CNTN6: variants seen among roughly 807,000 people sequenced by gnomAD.
CNTN6 encodes the protein contactin-6.
Under a neutral mutation model 122.8 loss-of-function variants are expected in CNTN6, and 137 were observed. The observed-to-expected ratio is 1.12, with a 90% confidence interval of 0.97 to 1.29. The LOEUF is 1.29. Among genes scored for constraint, CNTN6 ranks in the 50% most tolerant of loss-of-function variants. The pLI is 0.00. For missense variants in CNTN6, 1,634 were observed against 1,223.4 expected (o/e 1.34, Z -5.01); for synonymous variants, 570 against 426.0 (o/e 1.34, Z -4.16).
chr3:1,182,494 G>A (rs763943555), intron 2 of CNTN6, among the ~76,000 whole-genome samples: 2 of 152,112 alleles, frequency 1.3e-5, no homozygotes, highest in Non-Finnish European at 2.9e-5. Context: ...AGGAAAGGAT[G>A]ACAAACATGT....
intron 1 of CNTN6, among the ~76,000 whole-genome samples, chr3:1,125,583 C>T (rs908415322): frequency 1.3e-5 from 2 of 151,696 alleles, no homozygotes; most frequent in Non-Finnish European, 2.9e-5. Context: ...ACCAGCCATT[C>T]AGCTTGTAAA....
At chr3:1,308,703 A>G (rs1698754730) in intron 7 of CNTN6, among the ~76,000 whole-genome samples, 1 of 151,460 alleles carries the variant, frequency 6.6e-6, no homozygotes, top group East Asian at 1.9e-4. Flanking sequence ...GTACCTTTCC[A>G]CTCCACACAG....
chr3:1,160,404 T>A (rs2093104307), intron 2 of CNTN6, among the ~76,000 whole-genome samples: 1 of 146,994 alleles, frequency 6.8e-6, no homozygotes, highest in Non-Finnish European at 1.5e-5. Flanking sequence ...GTGTATTCTT[T>A]CATTTCTGGC....
At chr3:1,144,873 C>A (rs1468578672) in intron 1 of CNTN6, among the ~76,000 whole-genome samples, 2 of 152,106 alleles carry the variant, frequency 1.3e-5, no homozygotes, top group Non-Finnish European at 2.9e-5. Context: ...AGGAACAGAA[C>A]TACAGCAAGC....
At chr3:1,379,335 C>G (rs1464404805) in intron 17 of CNTN6, among the ~76,000 whole-genome samples, 2 of 152,262 alleles carry the variant, frequency 1.3e-5, no homozygotes, top group Admixed American at 6.5e-5. Flanking sequence ...TTGATGCTTT[C>G]TTGCTGTTGC....
intron 17 of CNTN6, 85 bp downstream of exon 17, chr3:1,377,160 A>T: frequency 1.1e-6 from 1 of 936,382 alleles, no homozygotes; most frequent in Non-Finnish European, 1.7e-6. Context: ...GATTTATTTG[A>T]TCACTATTGA....
At chr3:1,273,990 A>G (rs1691850637) in intron 4 of CNTN6, among the ~76,000 whole-genome samples, 1 of 152,214 alleles carries the variant, frequency 6.6e-6, no homozygotes, top group South Asian at 2.1e-4. Context: ...TGTTAATTTC[A>G]TAGAATCATT....
chr3:1,258,200 T>C (rs1337711834), intron 4 of CNTN6, among the ~76,000 whole-genome samples: 1 of 152,152 alleles, frequency 6.6e-6, no homozygotes, highest in African/African-American at 2.4e-5. Context: ...AAAAAAAACC[T>C]ATTATTCCAG....
At chr3:1,358,578 A>C (rs1356755931) in intron 12 of CNTN6, among the ~76,000 whole-genome samples, 2 of 151,922 alleles carry the variant, frequency 1.3e-5, no homozygotes, top group African/African-American at 4.8e-5. Context: ...AAATGCTTTC[A>C]AGTCCAAAAG....
intron 10 of CNTN6, among the ~76,000 whole-genome samples, chr3:1,328,923 G>GA (rs1424083302): frequency 4.6e-5 from 7 of 151,346 alleles, no homozygotes; most frequent in Non-Finnish European, 1.0e-4. Context: ...ATTTAGTGGG[G>GA]AAAAAACCGA....
In CNTN6 at chr3:1,383,189, CA is replaced by C. The variant is rs1475979893; in HGVS notation, c.2401+15del. 1 of 1,607,546 alleles carries C rather than the reference CA, an allele frequency of 6.2e-7. No homozygotes were observed. Among genetic ancestry groups the C allele is most frequent in the Non-Finnish European group, 8.5e-7 (1 of 1,174,402 alleles). On this transcript the variant is annotated intron_variant, in intron 18 of 22. Transcript: ENST00000446702. ...TCTGGGGAAGATGGTAAGTTGTCCTCAACTCTGGTTTTCTTTGAGACTCTAT... is the reference window on the plus strand; with the variant it reads ...TCTGGGGAAGATGGTAAGTTGTCCTCACTCTGGTTTTCTTTGAGACTCTAT...
chr3:1,376,730 C>G (rs979013275), intron 16 of CNTN6, among the ~76,000 whole-genome samples: 5 of 152,014 alleles, frequency 3.3e-5, no homozygotes, highest in Non-Finnish European at 4.4e-5. Context: ...ATCATTTTGC[C>G]AATTAGTAGA....
At chr3:1,107,796 G>C (rs914447275) in intron 1 of CNTN6, among the ~76,000 whole-genome samples, 3 of 151,990 alleles carry the variant, frequency 2.0e-5, no homozygotes, top group African/African-American at 7.2e-5. Context: ...TTGTGGTCCA[G>C]CCAGGTTAGA....
intron 17 of CNTN6, among the ~76,000 whole-genome samples, chr3:1,382,518 G>A (rs1294089940): frequency 6.6e-6 from 1 of 152,044 alleles, no homozygotes; most frequent in Non-Finnish European, 1.5e-5. Context: ...CATTACACAT[G>A]TCTTACAAAA....
intron 1 of CNTN6, among the ~76,000 whole-genome samples, chr3:1,145,349 T>C (rs902120): frequency 0.59 from 89,264 of 151,978 alleles, 26,794 homozygotes; most frequent in African/African-American, 0.71. Context: ...AACTGATTGA[T>C]AATGACCTGG....
At chr3:1,227,733 G>T (rs745690284) in intron 3 of CNTN6, 85 bp from the exon 4 acceptor site, 6 of 1,366,086 alleles carry the variant, frequency 4.4e-6, no homozygotes, top group Non-Finnish European at 6.1e-6. Flanking sequence ...TTTTATAGTT[G>T]CAGGAATTAG....
intron 16 of CNTN6, 67 bp from the exon 17 acceptor site, chr3:1,376,934 AAAAC>A: frequency 9.2e-7 from 1 of 1,090,874 alleles, no homozygotes; most frequent in Non-Finnish European, 1.4e-6. Context: ...GTGAAATTCA[AAAAC>A]AAAATTCTTC....
chr3:1,103,583 T>G (rs1393164914), intron 1 of CNTN6, among the ~76,000 whole-genome samples: 2 of 152,218 alleles, frequency 1.3e-5, no homozygotes, highest in Non-Finnish European at 2.9e-5. Context: ...CAGAAACAAC[T>G]TTCTCATAGA....
At chr3:1,279,770 A>C (rs1466351653) in intron 5 of CNTN6, among the ~76,000 whole-genome samples, 1 of 152,234 alleles carries the variant, frequency 6.6e-6, no homozygotes, top group African/African-American at 2.4e-5. Context: ...AGCCTTGAGA[A>C]ACTTGAAAGC....
Sources: allele counts gnomAD v4.1 joint callset (sites outside exome capture counted in the v4.1 genomes callset), GRCh38; gene constraint gnomAD v4.1.1; transcripts MANE v1.5; gene names NCBI Gene and HGNC (gene_info 2026-07-23, HGNC 2026-07-21).